PAQR5: variants seen among roughly 807,000 people sequenced by gnomAD.
PAQR5 encodes membrane progestin receptor gamma.
In PAQR5, 20 loss-of-function variants were observed where a neutral mutation model predicts 34.5. That is an observed-to-expected ratio of 0.58 (90% CI 0.41 to 0.84). PAQR5 has a LOEUF of 0.84. Among genes scored for constraint, PAQR5 ranks in the 40% least tolerant of loss-of-function variants. The pLI is 0.00. For synonymous variants in PAQR5, 131 were observed against 155.6 expected (o/e 0.84, Z 1.18); for missense variants, 378 against 412.7 (o/e 0.92, Z 0.73).
rs1196078533 is a variant in PAQR5, at chr15:69,382,690, A to ATG, written c.180-1986_180-1985insGT. Among the ~76,000 whole-genome samples the ATG allele has an allele frequency of 2.2e-3, 147 of 68,130 alleles. 2 individuals are homozygous for ATG. The highest frequency in any genetic ancestry group is 8.4e-3 in the African/African-American group (144 of 17,136). 44.7% of individuals were successfully genotyped at this position (68,130 alleles called of 152,430 possible). On this transcript the variant is annotated intron_variant, in intron 4 of 8. Transcript: ENST00000395407. ...TATATATATATATATATATATATAT[A>ATG]TATATATATATATATGTATGTATGT...
chr15:69,363,213 G>C (rs2055287935), intron 3 of PAQR5, among the ~76,000 whole-genome samples: 1 of 152,128 alleles, frequency 6.6e-6, no homozygotes, highest in Non-Finnish European at 1.5e-5. Flanking sequence ...TTGTAATCCT[G>C]GTCCATTCTT....
chr15:69,336,636 A>T (rs2054520691), intron 1 of PAQR5, among the ~76,000 whole-genome samples: 1 of 152,194 alleles, frequency 6.6e-6, no homozygotes, highest in Admixed American at 6.5e-5. Flanking sequence ...AGTTGGTTTT[A>T]TAATCAGCTG....
intron 1 of PAQR5, among the ~76,000 whole-genome samples, chr15:69,317,098 C>T (rs1269924335): frequency 2.0e-5 from 3 of 152,210 alleles, no homozygotes; most frequent in African/African-American, 7.2e-5. Flanking sequence ...GGATTACAGG[C>T]GTGAGCCACT....
intron 2 of PAQR5, among the ~76,000 whole-genome samples, chr15:69,340,965 C>T (rs1345397851): frequency 6.6e-6 from 1 of 152,098 alleles, no homozygotes; most frequent in African/African-American, 2.4e-5. Flanking sequence ...GAGCAGACTA[C>T]AAAAAGCACG....
intron 1 of PAQR5, among the ~76,000 whole-genome samples, chr15:69,307,443 C>G (rs1264089766): frequency 6.6e-6 from 1 of 152,060 alleles, no homozygotes; most frequent in Non-Finnish European, 1.5e-5. Context: ...CGTGGAATCT[C>G]TGGACACCTC....
Position 69,395,248 on chromosome 15 carries a change from C to CA in PAQR5, c.513-2219dup, listed in dbSNP as rs550218153. Among the ~76,000 whole-genome samples the CA allele has an allele frequency of 2.8e-4, 43 of 152,286 alleles. No homozygotes were observed. In the South Asian group the frequency reaches 7.7e-3, roughly 27 times the overall value. On this transcript the variant is annotated intron_variant, in intron 6 of 8. Transcript: ENST00000395407. ...GAGTGTGTGCCCTCTGCTCCAGGGG[C>CA]AGAGCGGGCAGGGAAGGGTGAAGGC...
intron 2 of PAQR5, among the ~76,000 whole-genome samples, chr15:69,348,897 G>A (rs74020640): frequency 0.016 from 2,439 of 152,222 alleles, 58 homozygotes; most frequent in African/African-American, 0.056. Context: ...CGTGCCACTC[G>A]AACTTTGCAC....
At chr15:69,358,429 C>T (rs1234109741) in intron 2 of PAQR5, among the ~76,000 whole-genome samples, 2 of 152,108 alleles carry the variant, frequency 1.3e-5, no homozygotes, top group South Asian at 2.1e-4. Flanking sequence ...GAGGCAGCTC[C>T]TGACCCTCTT....
rs1555421347 is a variant in PAQR5 at position 69,378,458 on chromosome 15, A to AAG, written c.52-1413_52-1412dup. 5.0e-4 allele frequency among the ~76,000 whole-genome samples: 72 copies of AAG among 143,816 alleles called. 2 individuals are homozygous for AAG. The highest frequency in any genetic ancestry group is 1.6e-3 in the African/African-American group (58 of 35,890). The allele number at this position is 143,816 out of a possible 152,430, so 94.3% of individuals were successfully genotyped here. On this transcript the variant is annotated intron_variant, in intron 3 of 8. Coordinates refer to ENST00000395407, the MANE Select transcript of PAQR5 (RefSeq NM_017705.4). ...TCTCAAAAAAAAAAAAAAAAAAAAA[A>AAG]AGAGAGAGAGAGATAGCACAGACTC... is the stretch of plus-strand genomic sequence containing the variant.
chr15:69,301,937 G>A (rs1239121871), intron 1 of PAQR5, among the ~76,000 whole-genome samples: 3 of 141,850 alleles, frequency 2.1e-5, no homozygotes, highest in East Asian at 2.2e-4. Flanking sequence ...AGGAAACTGG[G>A]CAGGGCCATG....
intron 2 of PAQR5, among the ~76,000 whole-genome samples, chr15:69,342,203 C>T (rs898873810): frequency 6.6e-6 from 1 of 151,960 alleles, no homozygotes; most frequent in Non-Finnish European, 1.5e-5. Flanking sequence ...TGGTTTTGAA[C>T]TGTGCTTCCC....
At chr15:69,350,914 G>A (rs1200712770) in intron 2 of PAQR5, among the ~76,000 whole-genome samples, 1 of 152,224 alleles carries the variant, frequency 6.6e-6, no homozygotes, top group Non-Finnish European at 1.5e-5. Context: ...GAAGTAATCA[G>A]AGGTTTCATG....
At chr15:69,322,151 C>A (rs1158142555) in intron 1 of PAQR5, among the ~76,000 whole-genome samples, 1 of 127,586 alleles carries the variant, frequency 7.8e-6, no homozygotes, top group Non-Finnish European at 1.5e-5. Flanking sequence ...CATAGTGAGA[C>A]CCCATTTCTA....
chr15:69,397,673 A>G (rs1051874247), intron 7 of PAQR5, 109 bp downstream of exon 7: 3 of 780,532 alleles, frequency 3.8e-6, no homozygotes, highest in African/African-American at 3.4e-5. Flanking sequence ...GCAGAACAAA[A>G]CAGGAGTCGA....
chr15:69,376,196 C>A (rs1401742103), intron 3 of PAQR5, among the ~76,000 whole-genome samples: 3 of 152,202 alleles, frequency 2.0e-5, no homozygotes, highest in Non-Finnish European at 4.4e-5. Flanking sequence ...CAAATCAATT[C>A]TGCTGTGCAA....
chr15:69,402,115 A>C (rs1440533199), intron 8 of PAQR5, among the ~76,000 whole-genome samples: 1 of 152,214 alleles, frequency 6.6e-6, no homozygotes, highest in African/African-American at 2.4e-5. Flanking sequence ...CTGCCATAAC[A>C]AAGTATCACA....
chr15:69,382,384 T>C (rs928837070), intron 4 of PAQR5, among the ~76,000 whole-genome samples: 14 of 152,068 alleles, frequency 9.2e-5, no homozygotes, highest in African/African-American at 3.1e-4. Flanking sequence ...CAGTGGCTTA[T>C]GCCTATAATC....
At chr15:69,402,321 CTTT>C (rs869050882) in intron 8 of PAQR5, among the ~76,000 whole-genome samples, 4 of 144,056 alleles carry the variant, frequency 2.8e-5, no homozygotes, top group Admixed American at 1.4e-4. Flanking sequence ...CCTTTTCTTT[CTTT>C]TTTTTTTTTT....
chr15:69,387,830 C>G (rs2056153619), intron 5 of PAQR5, among the ~76,000 whole-genome samples: 1 of 152,230 alleles, frequency 6.6e-6, no homozygotes, highest in South Asian at 2.1e-4. Context: ...ACTCCCTCTT[C>G]CCTTCCCTGC....
Sources: gnomAD v4.1 joint callset for allele counts (sites outside exome capture counted in the v4.1 genomes callset) on GRCh38, gnomAD v4.1.1 for gene constraint, MANE v1.5 for transcripts, NCBI Gene and HGNC (gene_info 2026-07-23, HGNC 2026-07-21) for gene names.